The following CDH4 variants were observed in gnomAD, a reference collection of about 807,000 sequenced individuals.
CDH4 encodes cadherin-4.
Under a neutral mutation model 86.0 loss-of-function variants are expected in CDH4, and 33 were observed. That is an observed-to-expected ratio of 0.38 (90% CI 0.29 to 0.51). The LOEUF (loss-of-function observed/expected upper bound fraction) is 0.51. CDH4 is among the 20% of genes least tolerant of loss of function. The probability of loss-of-function intolerance (pLI) is 0.86; values close to 1 mark genes in which losing one functional copy is unlikely to be tolerated. For synonymous variants in CDH4, 555 were observed against 549.4 expected (o/e 1.01, Z -0.14); for missense variants, 1,114 against 1,307.4 (o/e 0.85, Z 2.28).
At chr20:61,633,920 T>G (rs1314727863) in intron 2 of CDH4, among the ~76,000 whole-genome samples, 1 of 152,202 alleles carries the variant, frequency 6.6e-6, no homozygotes, top group Non-Finnish European at 1.5e-5. Context: ...TTCTGTTGTT[T>G]AATAGCAGGA....
chr20:61,821,513 C>T (rs920004436), intron 4 of CDH4, among the ~76,000 whole-genome samples: 10 of 149,432 alleles, frequency 6.7e-5, no homozygotes, highest in African/African-American at 2.5e-4. Context: ...GATCCCACTG[C>T]TCCAGTCCCC....
chr20:61,682,766 G>C (rs1299097054), intron 2 of CDH4, among the ~76,000 whole-genome samples: 1 of 152,126 alleles, frequency 6.6e-6, no homozygotes, highest in Non-Finnish European at 1.5e-5. Flanking sequence ...AGGAAGCTTG[G>C]GAAGTCCAAG....
intron 2 of CDH4, among the ~76,000 whole-genome samples, chr20:61,262,084 G>A (rs1220263598): frequency 6.6e-6 from 1 of 152,194 alleles, no homozygotes; most frequent in Non-Finnish European, 1.5e-5. Context: ...TCTGAGCTGG[G>A]TTTATGCACG....
intron 2 of CDH4, among the ~76,000 whole-genome samples, chr20:61,600,626 ATT>A (rs976220657): frequency 4.6e-5 from 7 of 152,284 alleles, no homozygotes; most frequent in South Asian, 2.1e-4. Context: ...CCCTCAGGGG[ATT>A]CATTCCAGGC....
intron 2 of CDH4, among the ~76,000 whole-genome samples, chr20:61,531,204 G>A (rs1039859073): frequency 6.6e-6 from 1 of 152,184 alleles, no homozygotes; most frequent in African/African-American, 2.4e-5. Flanking sequence ...AGGCATAGTG[G>A]CTCATGCCTG....
chr20:61,776,852 C>T (rs1260207528), intron 4 of CDH4, among the ~76,000 whole-genome samples: 5 of 152,166 alleles, frequency 3.3e-5, no homozygotes, highest in African/African-American at 7.2e-5. Context: ...CACATGACCA[C>T]GTCTAATTGT....
At chr20:61,719,300 A>T (rs2088004518) in intron 2 of CDH4, 1 of 362,218 alleles carries the variant, frequency 2.8e-6, no homozygotes, top group African/African-American at 2.1e-5. Context: ...GTGTGGCCTC[A>T]TTGCAGAATC....
At chr20:61,834,745 A>G (rs6061366) in intron 4 of CDH4, among the ~76,000 whole-genome samples, 72,295 of 152,020 alleles carry the variant, frequency 0.48, 18,871 homozygotes, top group Non-Finnish European at 0.6. Context: ...CTGAAACAAC[A>G]AAGAACCCGT....
rs944569930 is a variant in CDH4 at position 61,459,426 on chromosome 20, T to C, written c.169+204489T>C. On this transcript the variant is annotated intron_variant, in intron 2 of 15. Coordinates refer to ENST00000614565, the MANE Select transcript of CDH4 (RefSeq NM_001794.5). The stretch of plus-strand genomic sequence containing the variant: ...TCCCACCTGATCACACTGCAGTTCT[T>C]CACTGGTCACGTATTGGTATTGTGT... 4.0e-5 allele frequency among the ~76,000 whole-genome samples: 6 copies of C among 151,544 alleles called. 1 individual carries two copies. The highest frequency in any genetic ancestry group is 2.6e-4 in the Admixed American group (4 of 15,184).
intron 2 of CDH4, among the ~76,000 whole-genome samples, chr20:61,739,443 A>G (rs975018973): frequency 6.6e-6 from 1 of 152,202 alleles, no homozygotes; most frequent in Non-Finnish European, 1.5e-5. Context: ...ACGGGAGGAC[A>G]TGGGAATCCC....
chr20:61,642,490 A>T (rs1015937480), intron 2 of CDH4, among the ~76,000 whole-genome samples: 1 of 152,194 alleles, frequency 6.6e-6, no homozygotes, highest in East Asian at 1.9e-4. Context: ...AGGTGGCCAG[A>T]GCCAGGTTGT....
chr20:61,759,516 C>A (rs11907843), intron 3 of CDH4, among the ~76,000 whole-genome samples: 44,926 of 152,106 alleles, frequency 0.3, 6,793 homozygotes, highest in South Asian at 0.38. Context: ...TCCTCACCAA[C>A]GTCTTCCCGA....
intron 2 of CDH4, among the ~76,000 whole-genome samples, chr20:61,498,522 T>C (rs2085678344): frequency 6.6e-6 from 1 of 152,162 alleles, no homozygotes; most frequent in South Asian, 2.1e-4. Flanking sequence ...AAAAATAACA[T>C]GGAATTTGAA....
chr20:61,822,646 C>A (rs1981107963), intron 4 of CDH4, among the ~76,000 whole-genome samples: 1 of 152,162 alleles, frequency 6.6e-6, no homozygotes, highest in African/African-American at 2.4e-5. Context: ...AGAGGCACCC[C>A]CGACGCCCCT....
At chr20:61,833,165 C>T (rs182373104) in intron 4 of CDH4, among the ~76,000 whole-genome samples, 51 of 152,158 alleles carry the variant, frequency 3.4e-4, no homozygotes, top group Non-Finnish European at 6.5e-4. Flanking sequence ...CACACCACTC[C>T]AGGATAGGAG....
intron 2 of CDH4, among the ~76,000 whole-genome samples, chr20:61,591,948 T>C (rs2086522111): frequency 6.6e-6 from 1 of 152,232 alleles, no homozygotes; most frequent in Non-Finnish European, 1.5e-5. Context: ...AAAGCTCTGT[T>C]TGTCCTTGCA....
At chr20:61,528,767 C>CG (rs1346342701) in intron 2 of CDH4, among the ~76,000 whole-genome samples, 1 of 151,726 alleles carries the variant, frequency 6.6e-6, no homozygotes, top group African/African-American at 2.4e-5. Context: ...GGAAGCATGG[C>CG]GGGGTTGCAT....
At chr20:61,924,150 G>T (rs188148776) in intron 10 of CDH4, among the ~76,000 whole-genome samples, 184 bp from the exon 11 acceptor site, 5 of 152,230 alleles carry the variant, frequency 3.3e-5, no homozygotes, top group Non-Finnish European at 7.3e-5. Flanking sequence ...GTGGGGCCGG[G>T]GGGGAGGGTG....
At chr20:61,371,296 G>A (rs989906209) in intron 2 of CDH4, among the ~76,000 whole-genome samples, 1 of 152,294 alleles carries the variant, frequency 6.6e-6, no homozygotes, top group East Asian at 1.9e-4. Context: ...TTGCCCTCTT[G>A]CAGCGTCCCC....
Sources: gnomAD v4.1 joint callset for allele counts (sites outside exome capture counted in the v4.1 genomes callset) on GRCh38, gnomAD v4.1.1 for gene constraint, MANE v1.5 for transcripts, NCBI Gene and HGNC (gene_info 2026-07-23, HGNC 2026-07-21) for gene names.